The following STS variants were observed in gnomAD, a reference collection of about 807,000 sequenced individuals.
The protein encoded by STS is steroid sulfatase.
STS carries 7 observed loss-of-function variants against 26.8 expected under a neutral mutation model. The observed-to-expected ratio is 0.26, with a 90% confidence interval of 0.15 to 0.49. The LOEUF (loss-of-function observed/expected upper bound fraction) is 0.49. STS is among the 20% of genes least tolerant of loss of function. The pLI is 0.98. For synonymous variants in STS, 199 were observed against 189.4 expected (o/e 1.05, Z -0.42); for missense variants, 434 against 465.6 (o/e 0.93, Z 0.63).
intron 8 of STS, among the ~76,000 whole-genome samples, chrX:7,311,144 C>T (rs1024024116): frequency 2.7e-5 from 3 of 110,169 alleles, no homozygotes; most frequent in Non-Finnish European, 3.8e-5. Flanking sequence ...CTTTTGTCAG[C>T]TGTATCAATT....
chrX:7,224,541 A>G (rs754642499), intron 2 of STS, among the ~76,000 whole-genome samples: 1 of 111,268 alleles, frequency 9.0e-6, no homozygotes, highest in Non-Finnish European at 1.9e-5. Flanking sequence ...TATAAAAGAG[A>G]CCCCAGAGAG....
At chrX:7,316,966 T>C (rs1174064238) in intron 8 of STS, among the ~76,000 whole-genome samples, 1 of 112,106 alleles carries the variant, frequency 8.9e-6, no homozygotes, top group African/African-American at 3.2e-5. Flanking sequence ...TAAGAATGAC[T>C]AGCATATGCT....
chrX:7,161,056 A>T (rs1046069427), intron 1 of STS, among the ~76,000 whole-genome samples: 2 of 111,301 alleles, frequency 1.8e-5, no homozygotes, highest in Non-Finnish European at 3.8e-5. Flanking sequence ...CCTGGGTTCC[A>T]GCAATTCTTC....
At chrX:7,264,929 G>A (rs929819115) in intron 6 of STS, among the ~76,000 whole-genome samples, 1 of 110,685 alleles carries the variant, frequency 9.0e-6, no homozygotes, top group African/African-American at 3.3e-5. Flanking sequence ...CTAGTAAGGT[G>A]CACATAGATA....
intron 8 of STS, among the ~76,000 whole-genome samples, chrX:7,323,506 T>C (rs1239174434): frequency 9.0e-6 from 1 of 111,683 alleles, no homozygotes; most frequent in East Asian, 2.8e-4. Flanking sequence ...TTAATTCACT[T>C]AGGATAATGG....
At chrX:7,224,214 A>G (rs1921703949) in intron 2 of STS, among the ~76,000 whole-genome samples, 1 of 111,626 alleles carries the variant, frequency 9.0e-6, no homozygotes, top group African/African-American at 3.3e-5. Flanking sequence ...ACATTATTTT[A>G]TACTAGCCAA....
intron 2 of STS, among the ~76,000 whole-genome samples, chrX:7,245,207 G>A (rs190676049): frequency 1.7e-3 from 184 of 111,260 alleles, no homozygotes; most frequent in African/African-American, 5.8e-3. Context: ...TGAGCTTTTC[G>A]TGGGCATTAT....
rs1421965250 is a variant in STS at position 7,325,403 on chromosome X, G to A, written c.1146G>A (p.Val382=). The change falls in exon 9 of 11, where the codon GTG becomes GTA. Residue 382 remains valine, a synonymous_variant. Coordinates refer to ENST00000674429, the MANE Select transcript of STS (RefSeq NM_001320752.2). ...CAGGCATCCTTCGTTGGCCCAGGGT[G>A]ATACAGGCTGGCCAGAAGATTGATG... is the stretch of plus-strand genomic sequence containing the variant. ...RVPGILRWPR[V]IQAGQKIDEP... is the part of the protein sequence containing the mutation. 8.3e-7 allele frequency: 1 copy of A among 1,211,406 alleles called. No individual in the cohort carries two copies. The highest frequency in any genetic ancestry group is 1.1e-6 in the Non-Finnish European group (1 of 895,224).
At chrX:7,220,953 G>A (rs1351612934) in intron 2 of STS, among the ~76,000 whole-genome samples, 1 of 111,269 alleles carries the variant, frequency 9.0e-6, no homozygotes, top group Non-Finnish European at 1.9e-5. Flanking sequence ...AAAATATTCC[G>A]ACTCTGGTCT....
chrX:7,295,870 T>C (rs1400683645), intron 7 of STS, among the ~76,000 whole-genome samples: 3 of 111,699 alleles, frequency 2.7e-5, no homozygotes, highest in African/African-American at 9.7e-5. Context: ...TTAATTCAAG[T>C]GGAAAGAAAG....
At chrX:7,163,415 G>A (rs1933289121) in intron 1 of STS, among the ~76,000 whole-genome samples, 1 of 112,476 alleles carries the variant, frequency 8.9e-6, no homozygotes, top group Admixed American at 9.4e-5. Context: ...TTTCCAGCTG[G>A]CCAGGCAGCT....
At chrX:7,317,454 G>GGTTTGTTT (rs113419040) in intron 8 of STS, among the ~76,000 whole-genome samples, 68 of 109,848 alleles carry the variant, frequency 6.2e-4, no homozygotes, top group African/African-American at 2.0e-3. Context: ...CATATCTTTT[G>GGTTTGTTT]GTTTGTTTGT....
intron 1 of STS, among the ~76,000 whole-genome samples, chrX:7,190,171 G>A (rs1168736421): frequency 9.1e-6 from 1 of 109,796 alleles, no homozygotes; most frequent in Non-Finnish European, 1.9e-5. Flanking sequence ...GAATCATTGG[G>A]AGCCCTGAGC....
At chrX:7,214,991 CGT>C (rs1491201280) in intron 2 of STS, among the ~76,000 whole-genome samples, 1 of 69,139 alleles carries the variant, frequency 1.4e-5, no homozygotes, top group African/African-American at 6.0e-5. Context: ...CATATATATA[CGT>C]ATATATACAT....
At chrX:7,199,526 A>T (rs763368639) in intron 2 of STS, among the ~76,000 whole-genome samples, 32 of 111,293 alleles carry the variant, frequency 2.9e-4, no homozygotes, top group Non-Finnish European at 5.7e-4. Context: ...TAGACTTCTA[A>T]ATTTTTATGA....
chrX:7,226,048 G>A (rs185044155), intron 2 of STS, among the ~76,000 whole-genome samples: 59 of 111,405 alleles, frequency 5.3e-4, no homozygotes, highest in Admixed American at 3.2e-3. Flanking sequence ...TCAATGTTCC[G>A]TTTAAGTTTT....
chrX:7,187,729 T>A (rs1467672499), intron 1 of STS, among the ~76,000 whole-genome samples: 2 of 112,130 alleles, frequency 1.8e-5, no homozygotes, highest in East Asian at 5.6e-4. Flanking sequence ...TGCCTCAAGT[T>A]GGTTCAGTCT....
chrX:7,199,172 A>G (rs1362734989), intron 2 of STS, among the ~76,000 whole-genome samples: 1 of 111,845 alleles, frequency 8.9e-6, no homozygotes, highest in Non-Finnish European at 1.9e-5. Flanking sequence ...AGCCTGCAAT[A>G]CAGTTTTCAA....
At chrX:7,215,019 T>TA (rs1921221833) in intron 2 of STS, among the ~76,000 whole-genome samples, 2 of 73,087 alleles carry the variant, frequency 2.7e-5, no homozygotes, top group South Asian at 5.6e-4. Context: ...CGTATATATA[T>TA]ATATTATATA....
Sources: gnomAD v4.1 joint callset for allele counts (sites outside exome capture counted in the v4.1 genomes callset) on GRCh38, gnomAD v4.1.1 for gene constraint, MANE v1.5 for transcripts, NCBI Gene and HGNC (gene_info 2026-07-23, HGNC 2026-07-21) for gene names.